TMTC2: variants seen among roughly 807,000 people sequenced by gnomAD.
TMTC2 encodes transmembrane O-mannosyltransferase targeting cadherins 2, also known as protein O-mannosyl-transferase TMTC2.
Under a neutral mutation model 82.4 loss-of-function variants are expected in TMTC2, and 43 were observed. That is an observed-to-expected ratio of 0.52 (90% CI 0.41 to 0.67). The LOEUF (loss-of-function observed/expected upper bound fraction) is 0.67. TMTC2 is among the 30% of genes least tolerant of loss of function. The pLI, the probability that TMTC2 is intolerant of heterozygous loss-of-function variation, is 0.00. For synonymous variants in TMTC2, 408 were observed against 381.9 expected (o/e 1.07, Z -0.80); for missense variants, 919 against 1,012.4 (o/e 0.91, Z 1.25).
rs1341010444 is a variant in TMTC2, at chr12:83,133,533, TAGAGTGTA to T, written c.*1145_*1152del. The T allele has an allele frequency of 1.3e-5, 2 of 152,228 alleles. No homozygotes were observed. Among genetic ancestry groups the T allele is most frequent in the African/African-American group, 4.8e-5 (2 of 41,458 alleles). 9.4% of individuals were successfully genotyped at this position (152,228 alleles called of 1,614,324 possible). A position where few individuals can be genotyped will look rare whatever the true frequency, so the allele number is the denominator to read the frequency against. ...AAAAACAACTTATTTGAAGCTGCAA[TAGAGTGTA>T]GCATTAGCCTGCATGTTTCTAGGTC... On this transcript the variant is annotated 3_prime_UTR_variant, in exon 12 of 12. Coordinates refer to ENST00000321196, the MANE Select transcript of TMTC2 (RefSeq NM_152588.3).
At chr12:83,104,816 C>T (rs1236719009) in intron 11 of TMTC2, among the ~76,000 whole-genome samples, 2 of 152,186 alleles carry the variant, frequency 1.3e-5, no homozygotes, top group African/African-American at 2.4e-5. Context: ...CCCTAAAAAG[C>T]TTTTTCTTTT....
At chr12:83,071,052 G>A (rs954891966) in intron 11 of TMTC2, among the ~76,000 whole-genome samples, 1 of 152,056 alleles carries the variant, frequency 6.6e-6, no homozygotes, top group African/African-American at 2.4e-5. Context: ...ACTCGATCAT[G>A]GTGGATTATC....
chr12:83,001,280 A>G (rs1271469858), intron 8 of TMTC2, among the ~76,000 whole-genome samples: 2 of 152,096 alleles, frequency 1.3e-5, no homozygotes, highest in African/African-American at 4.8e-5. Flanking sequence ...TGCTTCCCTT[A>G]TAAAACTGAA....
At chr12:82,912,871 C>T (rs12316603) in intron 3 of TMTC2, among the ~76,000 whole-genome samples, 15,577 of 144,160 alleles carry the variant, frequency 0.11, 1,966 homozygotes, top group African/African-American at 0.32. Flanking sequence ...CTGGGGAGGT[C>T]GAAGCTGCAG....
intron 1 of TMTC2, among the ~76,000 whole-genome samples, chr12:82,827,980 C>T (rs1340322350): frequency 6.6e-6 from 1 of 151,486 alleles, no homozygotes; most frequent in Non-Finnish European, 1.5e-5. Flanking sequence ...GCAACCTCCG[C>T]CTCCCCGGTT....
intron 8 of TMTC2, among the ~76,000 whole-genome samples, chr12:83,019,167 A>C (rs1249513053): frequency 6.6e-6 from 1 of 152,166 alleles, no homozygotes; most frequent in African/African-American, 2.4e-5. Context: ...CTAAAAAAAA[A>C]AAACATACAC....
intron 4 of TMTC2, among the ~76,000 whole-genome samples, chr12:82,945,173 A>C (rs1237822860): frequency 6.6e-6 from 1 of 152,176 alleles, no homozygotes; most frequent in African/African-American, 2.4e-5. Flanking sequence ...GGGAAATCAG[A>C]ATCCTTTTAG....
At chr12:82,716,004 A>C (rs1294378543) in intron 1 of TMTC2, among the ~76,000 whole-genome samples, 2 of 152,194 alleles carry the variant, frequency 1.3e-5, no homozygotes, top group African/African-American at 4.8e-5. Context: ...GTATTAGATC[A>C]TCCAATGTTA....
intron 4 of TMTC2, among the ~76,000 whole-genome samples, chr12:82,944,479 A>G (rs1592646623): frequency 1.3e-5 from 2 of 150,540 alleles, no homozygotes; most frequent in Middle Eastern, 6.9e-3. Flanking sequence ...AGCGACTCCC[A>G]GGCAGGAGAA....
At chr12:82,996,876 G>C (rs946635536) in intron 8 of TMTC2, among the ~76,000 whole-genome samples, 1 of 152,042 alleles carries the variant, frequency 6.6e-6, no homozygotes, top group Admixed American at 6.6e-5. Flanking sequence ...CTGTCTGCTT[G>C]AATCAGAAAT....
intron 10 of TMTC2, among the ~76,000 whole-genome samples, chr12:83,051,337 C>T (rs1882337845): frequency 6.6e-6 from 1 of 151,780 alleles, no homozygotes; most frequent in African/African-American, 2.4e-5. Flanking sequence ...ATTAGTGTTA[C>T]TGTATTTTAT....
chr12:82,901,628 G>A (rs1874026865), intron 3 of TMTC2, among the ~76,000 whole-genome samples: 1 of 151,984 alleles, frequency 6.6e-6, no homozygotes, highest in Non-Finnish European at 1.5e-5. Context: ...CTCCCAGCTT[G>A]TATTTCTTGC....
At chr12:82,785,074 T>A (rs1878109522) in intron 1 of TMTC2, among the ~76,000 whole-genome samples, 1 of 152,078 alleles carries the variant, frequency 6.6e-6, no homozygotes. Context: ...TTGCTTCTCT[T>A]AAAGATGTAG....
chr12:82,742,675 A>ATG (rs1875478512), intron 1 of TMTC2, among the ~76,000 whole-genome samples: 1 of 151,290 alleles, frequency 6.6e-6, no homozygotes, highest in Non-Finnish European at 1.5e-5. Context: ...GCCTGCCATC[A>ATG]TGCCAGGCTA....
chr12:83,067,141 A>T (rs1882948214), intron 11 of TMTC2, among the ~76,000 whole-genome samples: 1 of 151,960 alleles, frequency 6.6e-6, no homozygotes, highest in Admixed American at 6.6e-5. Flanking sequence ...AAAGTTAATG[A>T]GCAGGGAACC....
In TMTC2 at chr12:82,892,698, C is replaced by G. The variant is rs1873456468; in HGVS notation, c.655-3120C>G. The stretch of plus-strand genomic sequence containing the variant: ...CTGTTTTTGTAATGCTTTCTCTCTT[C>G]CTCTCTACATCCCCGATCACTTCCA... On this transcript the variant is annotated intron_variant, in intron 2 of 11. Transcript: ENST00000321196. 2.6e-5 allele frequency among the ~76,000 whole-genome samples: 4 copies of G among 152,280 alleles called. No individual in the cohort carries two copies. The South Asian group carries it at 8.3e-4, about 32-fold the overall frequency.
At chr12:82,738,406 T>A (rs1300086274) in intron 1 of TMTC2, among the ~76,000 whole-genome samples, 1 of 152,172 alleles carries the variant, frequency 6.6e-6, no homozygotes, top group Non-Finnish European at 1.5e-5. Context: ...GCAAGAAGAG[T>A]GATCTAGTGC....
chr12:82,987,803 A>G (rs771200024), intron 8 of TMTC2, among the ~76,000 whole-genome samples: 4 of 152,122 alleles, frequency 2.6e-5, no homozygotes, highest in East Asian at 1.9e-4. Flanking sequence ...AAAGGACAAC[A>G]TAAGTTTGTC....
intron 11 of TMTC2, among the ~76,000 whole-genome samples, chr12:83,108,329 G>A (rs1266167794): frequency 6.6e-6 from 1 of 151,944 alleles, no homozygotes; most frequent in Non-Finnish European, 1.5e-5. Context: ...AATGTGATCA[G>A]TATTATTTTT....
Sources: allele counts gnomAD v4.1 joint callset (sites outside exome capture counted in the v4.1 genomes callset), GRCh38; gene constraint gnomAD v4.1.1; transcripts MANE v1.5; gene names NCBI Gene and HGNC (gene_info 2026-07-23, HGNC 2026-07-21).